The following CLDN16 variants were observed in gnomAD, a reference collection of about 807,000 sequenced individuals.
CLDN16 encodes the protein claudin 16, also known as claudin-16.
Under a neutral mutation model 24.6 loss-of-function variants are expected in CLDN16, and 13 were observed. The observed-to-expected ratio is 0.53, with a 90% CI of 0.34 to 0.84. The LOEUF is 0.84. Among genes scored for constraint, CLDN16 ranks in the 40% least tolerant of loss-of-function variants. CLDN16 has a pLI of 0.01. For missense variants in CLDN16, 298 were observed against 292.7 expected, an observed-to-expected ratio of 1.02 and a Z score of -0.13; for synonymous variants, 116 against 106.7, an observed-to-expected ratio of 1.09 and a Z score of -0.54.
intron 1 of CLDN16, among the ~76,000 whole-genome samples, chr3:190,330,784 C>T (rs1717166350): frequency 6.6e-6 from 1 of 152,056 alleles, no homozygotes; most frequent in Admixed American, 6.5e-5. Context: ...ATTAACATGC[C>T]ATAACCACTA....
chr3:190,334,992 CT>C (rs1189599671), intron 1 of CLDN16, among the ~76,000 whole-genome samples: 2 of 147,824 alleles, frequency 1.4e-5, no homozygotes, highest in South Asian at 2.2e-4. Context: ...CTTTTCTTTT[CT>C]TTTTATTCTT....
Position 190,409,945 on chromosome 3 carries a change from C to A in CLDN16, c.617C>A (p.Ala206Asp). 1 of 1,613,942 alleles carries A rather than the reference C, an allele frequency of 6.2e-7. No individual in the cohort carries two copies. Among genetic ancestry groups the A allele is most frequent in the Non-Finnish European group, 8.5e-7 (1 of 1,179,884 alleles). Residue 206 changes from alanine to aspartate, a missense_variant, in exon 5 of 5, where the codon GCC becomes GAC. By Grantham distance (126) the Ala-to-Asp change is moderately radical (BLOSUM62 -2). Coordinates refer to ENST00000264734, the MANE Select transcript of CLDN16 (RefSeq NM_006580.4). The part of the protein sequence containing the change: ...ERNYPYSLRK[A>D]YSAAGVSMAK... ...AACTATCCTTATTCCTTGAGGAAAGCCTATTCAGCCGCGGGTGTTTCCATG... is the reference window on the plus strand; with the variant it reads ...AACTATCCTTATTCCTTGAGGAAAGACTATTCAGCCGCGGGTGTTTCCATG...
chr3:190,411,197 T>A lies in CLDN16; in HGVS notation c.*1161T>A, dbSNP rs950181288. On this transcript the variant is annotated 3_prime_UTR_variant, in exon 5 of 5. Transcript: ENST00000264734. ...ATCGTTTGAACCCAGGAGGTGGAGG[T>A]TGCAGTGAGCGGAGATCGCACCATT... 1 of 151,828 alleles carries A rather than the reference T, an allele frequency of 6.6e-6. No homozygotes were observed. The highest frequency in any genetic ancestry group is 1.5e-5 in the Non-Finnish European group (1 of 67,994). 9.4% of individuals were successfully genotyped at this position (151,828 alleles called of 1,614,324 possible).
chr3:190,403,928 A>C (rs546693452), intron 2 of CLDN16, among the ~76,000 whole-genome samples: 19 of 152,332 alleles, frequency 1.2e-4, no homozygotes, highest in African/African-American at 4.3e-4. Context: ...AAAATTAAAA[A>C]AAATTTAAAA....
At position 190,388,229 on chromosome 3, in the gene CLDN16, A is replaced by G. The variant is rs139923283; in HGVS notation, c.-101A>G. On this transcript the variant is annotated 5_prime_UTR_variant, in exon 1 of 5. Transcript: ENST00000264734. ...AAAAGTAAAAGACCAGTATTTTCAC[A>G]TTGCCAGGTACCAGAAACACAGAAG... The G allele has an allele frequency of 1.3e-5, 21 of 1,613,952 alleles. No homozygotes were observed. The highest frequency in any genetic ancestry group is 6.7e-5 in the East Asian group (3 of 44,878).
chr3:190,302,954 G>C, the CLDN16 span, among the ~76,000 whole-genome samples: 1 of 151,614 alleles, frequency 6.6e-6, no homozygotes, highest in East Asian at 1.9e-4. Flanking sequence ...CTATCTCTGG[G>C]AAAGGAAAAA....
the CLDN16 span, among the ~76,000 whole-genome samples, chr3:190,296,522 T>C: frequency 6.6e-6 from 1 of 150,896 alleles, no homozygotes; most frequent in Non-Finnish European, 1.5e-5. Flanking sequence ...CGTATGAGGA[T>C]GGGAAAGTAG....
At chr3:190,324,270 A>T (rs1359439977) in intron 1 of CLDN16, among the ~76,000 whole-genome samples, 1 of 152,118 alleles carries the variant, frequency 6.6e-6, no homozygotes, top group Non-Finnish European at 1.5e-5. Context: ...ATCACTTGAG[A>T]TCAGGAGTTC....
At chr3:190,385,070 C>A (rs1325076282), upstream of CLDN16, among the ~76,000 whole-genome samples, 1 of 152,098 alleles carries the variant, frequency 6.6e-6, no homozygotes, top group Non-Finnish European at 1.5e-5. Context: ...GTAAACCTCT[C>A]AAGGACTAGG....
chr3:190,359,886 G>A (rs1234205011), intron 1 of CLDN16, among the ~76,000 whole-genome samples: 1 of 151,974 alleles, frequency 6.6e-6, no homozygotes, highest in Non-Finnish European at 1.5e-5. Flanking sequence ...TGGCCTAAAA[G>A]GAGCTATGAG....
upstream of CLDN16, chr3:190,322,349 T>C: frequency 1.3e-6 from 1 of 771,676 alleles, no homozygotes; most frequent in South Asian, 1.6e-5. Flanking sequence ...GCGCCGCCGC[T>C]GGAGAAGCTC....
In CLDN16 at chr3:190,411,529, A is replaced by C. The variant is rs1375804964; in HGVS notation, c.*1493A>C. 6.6e-6 allele frequency: 1 copy of C among 152,194 alleles called. No individual in the cohort carries two copies. Among genetic ancestry groups the C allele is most frequent in the Admixed American group, 6.5e-5 (1 of 15,270 alleles). The allele number at this position is 152,194 out of a possible 1,614,324, so 9.4% of individuals were successfully genotyped here. On this transcript the variant is annotated 3_prime_UTR_variant, in exon 5 of 5. Transcript: ENST00000264734. ...CTGAAAAGAATATCAACCTGAAAAG[A>C]ATATCAACTCACCCAGAAATTAGTT...
the CLDN16 span, among the ~76,000 whole-genome samples, chr3:190,296,372 T>G: frequency 6.6e-6 from 1 of 152,072 alleles, no homozygotes; most frequent in Non-Finnish European, 1.5e-5. Context: ...AGAGAGGTCT[T>G]TTCTGGTAAG....
intron 1 of CLDN16, among the ~76,000 whole-genome samples, chr3:190,398,935 G>A (rs531390716): frequency 2.0e-5 from 3 of 152,114 alleles, no homozygotes; most frequent in South Asian, 4.2e-4. Context: ...AAATTTAGAC[G>A]TCCACATTAT....
intron 1 of CLDN16, among the ~76,000 whole-genome samples, chr3:190,397,472 C>T (rs987172471): frequency 1.3e-5 from 2 of 152,108 alleles, no homozygotes; most frequent in African/African-American, 2.4e-5. Flanking sequence ...TTTAAGAACC[C>T]TGTCTTAAAA....
At chr3:190,362,966 G>A (rs1225492716) in intron 1 of CLDN16, among the ~76,000 whole-genome samples, 4 of 151,734 alleles carry the variant, frequency 2.6e-5, no homozygotes, top group African/African-American at 4.8e-5. Flanking sequence ...TTTCTGCTTC[G>A]GTTTATTGAA....
In CLDN16 at chr3:190,408,463, T is replaced by C. The variant is rs143316426; in HGVS notation, c.532T>C (p.Leu178=). ...LGMAGSLGCF[L]AGAVLTCCLY... is the part of the protein sequence containing the mutation. ...AATGGCTGGGTCTCTGGGTTGCTTT[T>C]TGGCTGGAGCTGTTCTCACCTGCTG... The change falls in exon 4 of 5, where the codon TTG becomes CTG. Residue 178 remains leucine, a synonymous_variant. Transcript: ENST00000264734. 2.9e-4 allele frequency: 466 copies of C among 1,614,166 alleles called. 2 individuals are homozygous for C. In the African/African-American group the frequency reaches 4.8e-3, roughly 17 times the overall value.
intron 1 of CLDN16, among the ~76,000 whole-genome samples, chr3:190,360,755 T>C (rs1717870996): frequency 6.6e-6 from 1 of 151,930 alleles, no homozygotes; most frequent in South Asian, 2.1e-4. Context: ...CTATTGCCAT[T>C]TTGTCTATTT....
At chr3:190,375,037 T>C (rs563796114) in intron 3 of CLDN16, among the ~76,000 whole-genome samples, 2 of 152,078 alleles carry the variant, frequency 1.3e-5, no homozygotes, top group South Asian at 2.1e-4. Context: ...TATAAAACTT[T>C]TAAAGGTACC....
Sources: allele counts gnomAD v4.1 joint callset (sites outside exome capture counted in the v4.1 genomes callset), GRCh38; gene constraint gnomAD v4.1.1; transcripts MANE v1.5; gene names NCBI Gene and HGNC (gene_info 2026-07-23, HGNC 2026-07-21).